The following ACTN1 variants were observed in gnomAD, a reference collection of about 807,000 sequenced individuals.
The protein encoded by ACTN1 is alpha-actinin-1.
Under a neutral mutation model 119.6 loss-of-function variants are expected in ACTN1, and 30 were observed. That is an observed-to-expected ratio of 0.25 (90% CI 0.19 to 0.34). The LOEUF (loss-of-function observed/expected upper bound fraction) is 0.34. ACTN1 is among the 10% of genes least tolerant of loss of function. The pLI, the probability that ACTN1 is intolerant of heterozygous loss-of-function variation, is 1.00. For synonymous variants in ACTN1, 429 were observed against 472.6 expected, an observed-to-expected ratio of 0.91 and a Z score of 1.20; for missense variants, 764 against 1,223.4, an observed-to-expected ratio of 0.62 and a Z score of 5.60.
At chr14:68,916,949 C>G (rs1566634052) in intron 3 of ACTN1, among the ~76,000 whole-genome samples, 1 of 152,156 alleles carries the variant, frequency 6.6e-6, no homozygotes, top group Non-Finnish European at 1.5e-5. Flanking sequence ...GCCACCACCT[C>G]CCAGACCAAT....
chr14:68,903,733 G>A (rs1789747698), intron 7 of ACTN1, among the ~76,000 whole-genome samples: 1 of 152,140 alleles, frequency 6.6e-6, no homozygotes, highest in Non-Finnish European at 1.5e-5. Context: ...ACAAGACCCA[G>A]CCTGACCCCA....
chr14:68,926,830 ACAT>A (rs1463561197), intron 1 of ACTN1, among the ~76,000 whole-genome samples: 2 of 152,232 alleles, frequency 1.3e-5, no homozygotes, highest in Admixed American at 1.3e-4. Flanking sequence ...AGAGGGAAGA[ACAT>A]CACACCAGCG....
In ACTN1 at chr14:68,890,198, A is replaced by C. The variant is rs1469204138; in HGVS notation, c.1175T>G (p.Leu392Arg). ...LLNEIRRLERLDHLAEKFRQK... is the reference protein window; with the variant it reads ...LLNEIRRLERRDHLAEKFRQK... Reference sequence around the variant, plus strand: ...CCGGAACTTCTCTGCCAGGTGGTCCAGTCGCTCCAGCCTCCGGATCTCATT... The same window carrying C: ...CCGGAACTTCTCTGCCAGGTGGTCCCGTCGCTCCAGCCTCCGGATCTCATT... The change falls in exon 11 of 22, where the codon CTG becomes CGG. Residue 392 changes from leucine to arginine, a missense_variant. Physicochemically the swap from Leu to Arg is moderately radical, Grantham distance 102 (BLOSUM62 -2). Coordinates refer to ENST00000394419, the MANE Select transcript of ACTN1 (RefSeq NM_001130004.2). 6.2e-7 allele frequency: 1 copy of C among 1,614,096 alleles called. No individual in the cohort carries two copies. The highest frequency in any genetic ancestry group is 8.5e-7 in the Non-Finnish European group (1 of 1,180,046).
At position 68,893,646 on chromosome 14, in the gene ACTN1, G is replaced by T. The variant is rs753343545; in HGVS notation, c.855+9C>A. ...TAGAGTCAGGCCAGGTGAACCCGGGGGTACCCACATCACTGGCCAGCTTCT... is the reference window on the plus strand; with the variant it reads ...TAGAGTCAGGCCAGGTGAACCCGGGTGTACCCACATCACTGGCCAGCTTCT... On this transcript the variant is annotated intron_variant, in intron 9 of 21. Coordinates refer to ENST00000394419, the MANE Select transcript of ACTN1 (RefSeq NM_001130004.2). 3.7e-6 allele frequency: 6 copies of T among 1,613,732 alleles called. No individual in the cohort carries two copies. The South Asian group carries it at 6.6e-5, about 18-fold the overall frequency.
chr14:68,914,877 CAAT>C (rs2034201029), intron 3 of ACTN1, among the ~76,000 whole-genome samples: 1 of 152,090 alleles, frequency 6.6e-6, no homozygotes, highest in African/African-American at 2.4e-5. Context: ...GTTTAAAAAA[CAAT>C]AATAATAATT....
intron 8 of ACTN1, among the ~76,000 whole-genome samples, chr14:68,895,874 A>C (rs2032837764): frequency 6.6e-6 from 1 of 152,144 alleles, no homozygotes; most frequent in South Asian, 2.1e-4. Context: ...CTCCAGAGTC[A>C]GGGTCAAAAG....
At chr14:68,904,127 A>G (rs1401850669) in intron 7 of ACTN1, among the ~76,000 whole-genome samples, 2 of 152,076 alleles carry the variant, frequency 1.3e-5, no homozygotes, top group African/African-American at 4.8e-5. Flanking sequence ...CCACTGAGAA[A>G]GTCCAAGCCA....
rs1258244969 is a variant in ACTN1, at chr14:68,880,839, C to T, written c.2104G>A (p.Asp702Asn). The change falls in exon 17 of 22, where the codon GAC becomes AAC. Residue 702 changes from aspartate to asparagine, a missense_variant. Around this residue, in one of 4 missense-constraint regions of ACTN1, gnomAD observed 544 missense variants for 912.0 expected, o/e 0.60. Transcript: ENST00000394419. This position sits in a 1 kb window ranked among gnomAD's most constrained non-coding sequence, Gnocchi z 4.6. ...ATGGTGTAGTTGGTGTGCTTGTTGT[C>T]GAAGATGAGCGCCTCCTGGATGAGC... ...HQLIQEALIF[D>N]NKHTNYTMEH... 1.2e-6 allele frequency: 2 copies of T among 1,614,128 alleles called. No individual in the cohort carries two copies. Among genetic ancestry groups the T allele is most frequent in the South Asian group, 1.1e-5 (1 of 91,080 alleles).
intron 1 of ACTN1, among the ~76,000 whole-genome samples, chr14:68,954,939 T>G (rs1363887391): frequency 1.3e-5 from 2 of 152,206 alleles, no homozygotes; most frequent in Admixed American, 6.5e-5. Flanking sequence ...TGGAGATCCT[T>G]TTTCTTAAAT....
intron 1 of ACTN1, among the ~76,000 whole-genome samples, chr14:68,977,145 G>A (rs187676902): frequency 2.0e-5 from 3 of 152,166 alleles, no homozygotes; most frequent in South Asian, 4.2e-4. Flanking sequence ...TTTCTCCTTC[G>A]ATTCTAACCC....
At chr14:68,950,972 G>T (rs1424067842) in intron 1 of ACTN1, among the ~76,000 whole-genome samples, 3 of 152,172 alleles carry the variant, frequency 2.0e-5, no homozygotes, top group Non-Finnish European at 4.4e-5. Context: ...GTTAGAGGGG[G>T]GCAATGTTAT....
intron 11 of ACTN1, 147 bp downstream of exon 11, chr14:68,889,992 G>A: frequency 5.0e-6 from 6 of 1,194,894 alleles, no homozygotes; most frequent in Non-Finnish European, 6.9e-6. Flanking sequence ...GCGACCAGAA[G>A]GCTAATGAAC....
At chr14:68,893,980 GC>G (rs1249184851) in intron 8 of ACTN1, among the ~76,000 whole-genome samples, 1 of 152,146 alleles carries the variant, frequency 6.6e-6, no homozygotes, top group Non-Finnish European at 1.5e-5. Context: ...GCTGAACTGG[GC>G]CCCTGGAGAA....
Position 68,880,447 on chromosome 14 carries a change from A to ACGCG in ACTN1, c.2134-343_2134-340dup, listed in dbSNP as rs145681619. ...TCCCCGAACCTCCAACCCCACAGCC[A>ACGCG]CGCGCGCACACACACATACACACAC... On this transcript the variant is annotated intron_variant, in intron 17 of 21. Coordinates refer to ENST00000394419, the MANE Select transcript of ACTN1 (RefSeq NM_001130004.2). The surrounding 1 kb of genome is among the most constrained non-coding windows in gnomAD (Gnocchi z 4.6). Among the ~76,000 whole-genome samples the ACGCG allele has an allele frequency of 0.09, 11,872 of 131,604 alleles. 579 individuals carry two copies. The highest frequency in any genetic ancestry group is 0.16 in the African/African-American group (5,158 of 32,364). The allele number at this position is 131,604 out of a possible 152,430, so 86.3% of individuals were successfully genotyped here.
intron 21 of ACTN1, among the ~76,000 whole-genome samples, 197 bp downstream of exon 21, chr14:68,876,885 A>G (rs2030957535): frequency 6.6e-6 from 1 of 152,158 alleles, no homozygotes; most frequent in African/African-American, 2.4e-5. Context: ...AGGGTCACTT[A>G]TACTAATCCT....
At chr14:68,898,082 G>A (rs762099276) in intron 8 of ACTN1, among the ~76,000 whole-genome samples, 1 of 152,210 alleles carries the variant, frequency 6.6e-6, no homozygotes, top group Admixed American at 6.5e-5. Flanking sequence ...GCTCAGATCT[G>A]GGGCAGAGCA....
At chr14:68,888,355 G>C in intron 11 of ACTN1, 1 of 281,128 alleles carries the variant, frequency 3.6e-6, no homozygotes, top group Non-Finnish European at 6.9e-6. Context: ...GTCAATCTTT[G>C]CTTTGTACCT....
intron 1 of ACTN1, among the ~76,000 whole-genome samples, chr14:68,929,939 G>C (rs2035143056): frequency 1.3e-5 from 2 of 152,266 alleles, no homozygotes. Context: ...CGCCAACAGA[G>C]GGGCCCCAGC....
At chr14:68,948,293 T>C (rs1457010723) in intron 1 of ACTN1, among the ~76,000 whole-genome samples, 1 of 152,258 alleles carries the variant, frequency 6.6e-6, no homozygotes, top group African/African-American at 2.4e-5. Context: ...TAGGGTTTTC[T>C]GGCTGGGTGC....
Sources: allele counts gnomAD v4.1 joint callset (sites outside exome capture counted in the v4.1 genomes callset), GRCh38; gene constraint gnomAD v4.1.1; regional missense constraint gnomAD v4.1.1; non-coding constraint Gnocchi (gnomAD v3.1); transcripts MANE v1.5; gene names NCBI Gene and HGNC (gene_info 2026-07-23, HGNC 2026-07-21).